Variants in CDH23 observed in about 807,000 individuals in gnomAD.
The protein encoded by CDH23 is cadherin related 23, also known as cadherin-23.
In CDH23, 189 loss-of-function variants were observed where a neutral mutation model predicts 317.1. That is an observed-to-expected ratio of 0.60 (90% CI 0.53 to 0.67). CDH23 has a LOEUF of 0.67. Among genes scored for constraint, CDH23 ranks in the 30% least tolerant of loss-of-function variants. The pLI, the probability that CDH23 is intolerant of heterozygous loss-of-function variation, is 0.00. For missense variants in CDH23, 4,401 were observed against 4,592.4 expected, an observed-to-expected ratio of 0.96 and a Z score of 1.20; for synonymous variants, 1,839 against 1,876.8, an observed-to-expected ratio of 0.98 and a Z score of 0.52.
chr10:71,675,152 A>G lies in CDH23; in HGVS notation c.1490A>G (p.Tyr497Cys). 6.2e-7 allele frequency: 1 copy of G among 1,613,952 alleles called. No homozygotes were observed. Among genetic ancestry groups the G allele is most frequent in the Non-Finnish European group, 8.5e-7 (1 of 1,179,840 alleles). ...GCAGGCACCTTTGGGGAAGTCAGCT[A>G]CTTCTTCAGTGATGACCCTGACAGG... is the stretch of plus-strand genomic sequence containing the variant. Reference protein sequence around the residue: ...NDAGTFGEVSYFFSDDPDRFS... With the variant: ...NDAGTFGEVSCFFSDDPDRFS... The change falls in exon 15 of 70, where the codon TAC becomes TGC. Residue 497 changes from tyrosine to cysteine, a missense_variant. By Grantham distance (194) the Tyr-to-Cys change is radical. Transcript: ENST00000224721.
At chr10:71,763,761 T>G (rs57463336) in intron 38 of CDH23, among the ~76,000 whole-genome samples, 4,086 of 152,330 alleles carry the variant, frequency 0.027, 199 homozygotes, top group African/African-American at 0.093. Flanking sequence ...CGCTTGGTAC[T>G]TGGGAGCTAG....
At chr10:71,707,160 A>C (rs1166344200) in intron 26 of CDH23, 111 bp downstream of exon 26, 6 of 1,545,274 alleles carry the variant, frequency 3.9e-6, no homozygotes, top group Admixed American at 2.0e-5. Flanking sequence ...AAAAGAGGTC[A>C]GGGCTCTACT....
chr10:71,734,584 G>C (rs1839502611), intron 33 of CDH23, 72 bp from the exon 34 acceptor site: 1 of 1,599,070 alleles, frequency 6.3e-7, no homozygotes, highest in Non-Finnish European at 8.5e-7. Context: ...GTCTGGAAGA[G>C]CCACAGACGG....
intron 11 of CDH23, among the ~76,000 whole-genome samples, chr10:71,620,598 C>T (rs1349932336): frequency 2.6e-5 from 4 of 152,224 alleles, no homozygotes; most frequent in Non-Finnish European, 4.4e-5. Context: ...TTGGCACACC[C>T]GCTGCAGTCA....
At chr10:71,731,896 C>G in intron 31 of CDH23, 91 bp from the exon 32 acceptor site, 1 of 1,433,868 alleles carries the variant, frequency 7.0e-7, no homozygotes. Flanking sequence ...GGTGGGCCAC[C>G]CAGGGGGTAT....
chr10:71,461,037 G>C (rs1415344068), intron 3 of CDH23, among the ~76,000 whole-genome samples: 1 of 152,240 alleles, frequency 6.6e-6, no homozygotes, highest in Non-Finnish European at 1.5e-5. Context: ...AGTACACACA[G>C]AGGCATGAGG....
chr10:71,511,478 G>A (rs896705239), intron 6 of CDH23, among the ~76,000 whole-genome samples: 15 of 151,966 alleles, frequency 9.9e-5, no homozygotes, highest in African/African-American at 3.6e-4. Context: ...GGAGTCAATG[G>A]TGGGACAAGA....
chr10:71,662,325 C>A lies in CDH23; in HGVS notation c.1450-12787C>A, dbSNP rs545290849. On this transcript the variant is annotated intron_variant, in intron 14 of 69. Coordinates refer to ENST00000224721, the MANE Select transcript of CDH23 (RefSeq NM_022124.6). ...GGCGTGGGGGGTGTCCTGCCAGGCA[C>A]CAAGTCACCTTGGAGTGAGGACATG... 7.9e-5 allele frequency among the ~76,000 whole-genome samples: 12 copies of A among 152,224 alleles called. No individual in the cohort carries two copies. In the East Asian group the frequency reaches 2.3e-3, roughly 29 times the overall value.
At chr10:71,561,483 G>A (rs920578552) in intron 6 of CDH23, among the ~76,000 whole-genome samples, 2 of 152,190 alleles carry the variant, frequency 1.3e-5, no homozygotes, top group South Asian at 2.1e-4. Context: ...CACTGCATGT[G>A]AGAAGTGAGC....
chr10:71,633,833 C>T (rs1358080849), intron 11 of CDH23, among the ~76,000 whole-genome samples: 1 of 152,164 alleles, frequency 6.6e-6, no homozygotes, highest in Non-Finnish European at 1.5e-5. Flanking sequence ...ATCTCCTGTC[C>T]CCTCCACTCT....
At chr10:71,500,608 G>T (rs1485674371) in intron 3 of CDH23, among the ~76,000 whole-genome samples, 1 of 152,190 alleles carries the variant, frequency 6.6e-6, no homozygotes, top group Non-Finnish European at 1.5e-5. Context: ...TAGTTGCTTT[G>T]GGGTGAGAAG....
intron 1 of CDH23, among the ~76,000 whole-genome samples, chr10:71,411,775 T>C (rs1848354533): frequency 6.6e-6 from 1 of 152,224 alleles, no homozygotes; most frequent in Admixed American, 6.5e-5. Flanking sequence ...TAGGAAAGTT[T>C]TCTTCTAATT....
Position 71,803,878 on chromosome 10 carries a change from G to A in CDH23, c.7872+458G>A, listed in dbSNP as rs181427281. ...TGCATGCCTGTAATCCCAGCTACTCGGGAGGCTGACGCAGGATAATCGCTT... is the reference window on the plus strand; with the variant it reads ...TGCATGCCTGTAATCCCAGCTACTCAGGAGGCTGACGCAGGATAATCGCTT... On this transcript the variant is annotated intron_variant, in intron 55 of 69. Coordinates refer to ENST00000224721, the MANE Select transcript of CDH23 (RefSeq NM_022124.6). Among the ~76,000 whole-genome samples, 6 of 149,484 alleles carry A rather than the reference G, an allele frequency of 4.0e-5. No homozygotes were observed. The East Asian group carries it at 5.9e-4, about 15-fold the overall frequency.
chr10:71,650,532 G>T (rs1863117968), intron 14 of CDH23, among the ~76,000 whole-genome samples: 1 of 152,122 alleles, frequency 6.6e-6, no homozygotes, highest in Non-Finnish European at 1.5e-5. Flanking sequence ...ATACTCAGAG[G>T]TATGTGTATG....
chr10:71,480,935 T>C (rs1003318397), intron 3 of CDH23, among the ~76,000 whole-genome samples: 2 of 152,098 alleles, frequency 1.3e-5, no homozygotes, highest in African/African-American at 4.8e-5. Context: ...AGTGATGTCT[T>C]CCACGGACCC....
At chr10:71,598,277 A>G (rs1859991481) in intron 9 of CDH23, among the ~76,000 whole-genome samples, 1 of 152,196 alleles carries the variant, frequency 6.6e-6, no homozygotes. Flanking sequence ...TAGGCTGGGG[A>G]CAGTGTTTGG....
chr10:71,600,848 A>C (rs747765589), intron 9 of CDH23, among the ~76,000 whole-genome samples: 1 of 152,078 alleles, frequency 6.6e-6, no homozygotes, highest in Non-Finnish European at 1.5e-5. Context: ...GACCTTTCCT[A>C]TACCCCATGG....
In CDH23 at chr10:71,805,997, C is replaced by T; in HGVS notation, c.8064C>T (p.Ser2688=). 7.1e-7 allele frequency: 1 copy of T among 1,405,776 alleles called. No individual in the cohort carries two copies. Among genetic ancestry groups the T allele is most frequent in the South Asian group, 1.2e-5 (1 of 86,912 alleles). 87.1% of individuals were successfully genotyped at this position (1,405,776 alleles called of 1,614,324 possible). Residue 2688 remains serine (S), a splice_region_variant and synonymous_variant, in exon 56 of 70, where the codon AGC becomes AGT. Coordinates refer to ENST00000224721, the MANE Select transcript of CDH23 (RefSeq NM_022124.6). ...RLDRESQAVY[S]LILVASDLGQ... ...ACCGCGAGTCGCAGGCGGTGTACAG[C>T]GTAAGGGCGGGGCCCGGTGCGAGGG...
At chr10:71,447,259 G>T (rs1850216147) in intron 3 of CDH23, among the ~76,000 whole-genome samples, 1 of 152,198 alleles carries the variant, frequency 6.6e-6, no homozygotes, top group Non-Finnish European at 1.5e-5. Flanking sequence ...GGATGGCTCG[G>T]AGTGGGGCGG....
Sources: allele counts gnomAD v4.1 joint callset (sites outside exome capture counted in the v4.1 genomes callset), GRCh38; gene constraint gnomAD v4.1.1; transcripts MANE v1.5; gene names NCBI Gene and HGNC (gene_info 2026-07-23, HGNC 2026-07-21).